Variants in ENKUR observed in about 807,000 individuals in gnomAD.
ENKUR encodes enkurin.
A neutral mutation model predicts 27.6 loss-of-function variants in ENKUR; 19 were observed. The observed-to-expected ratio is 0.69, with a 90% CI of 0.48 to 1.01. The LOEUF (loss-of-function observed/expected upper bound fraction) is 1.01. ENKUR is among the 50% of genes least tolerant of loss of function. ENKUR has a pLI of 0.00. For synonymous variants in ENKUR, 117 were observed against 96.9 expected, an observed-to-expected ratio of 1.21 and a Z score of -1.22; for missense variants, 312 against 310.5, an observed-to-expected ratio of 1.00 and a Z score of -0.04.
chr10:25,017,387 C>T (rs1412076424), upstream of ENKUR, among the ~76,000 whole-genome samples: 1 of 152,048 alleles, frequency 6.6e-6, no homozygotes, highest in Admixed American at 6.5e-5. Flanking sequence ...ATGGATGCCT[C>T]TGAACCACCG....
rs546013019 is a variant in ENKUR, at chr10:25,023,704, C to G, written c.38-27835G>C. On this transcript the variant is annotated intron_variant, in intron 2 of 5. Transcript: ENST00000615958. ...ATACCTGGATGTACCTCTACTAGAT[C>G]TAATTTGTCGTCTAAAATTAATGAA... 115 of 1,613,924 alleles carry G rather than the reference C, an allele frequency of 7.1e-5. 1 individual carries two copies. In the South Asian group the frequency reaches 1.1e-3, roughly 15 times the overall value.
At chr10:25,015,132 T>C (rs1405042972) in intron 1 of ENKUR, among the ~76,000 whole-genome samples, 2 of 152,182 alleles carry the variant, frequency 1.3e-5, no homozygotes, top group Non-Finnish European at 2.9e-5. Flanking sequence ...TCCCCACAGA[T>C]TTAAGTAAGT....
At chr10:25,062,204 T>C (rs1171287668) in exon 1 of ENKUR, 1 of 152,174 alleles carries the variant, frequency 6.6e-6, no homozygotes, top group Admixed American at 6.5e-5. Context: ...TCCTGCGTAT[T>C]GAGTCATTCT....
intron 2 of ENKUR, among the ~76,000 whole-genome samples, chr10:25,046,131 T>C (rs1162598488): frequency 4.6e-5 from 7 of 152,104 alleles, no homozygotes; most frequent in Non-Finnish European, 1.5e-5. Flanking sequence ...GCTTAGCAAA[T>C]GCTATGAGAG....
At position 24,990,604 on chromosome 10, in the gene ENKUR, A is replaced by G; in HGVS notation, c.453T>C (p.Tyr151=). 1 of 1,595,592 alleles carries G rather than the reference A, an allele frequency of 6.3e-7. No homozygotes were observed. The highest frequency in any genetic ancestry group is 8.5e-7 in the Non-Finnish European group (1 of 1,175,446). The change falls in exon 4 of 6, where the codon TAT becomes TAC. Residue 151 remains tyrosine (Y), a synonymous_variant. Coordinates refer to ENST00000331161, the MANE Select transcript of ENKUR (RefSeq NM_145010.4). ...LVPKYINKKD[Y]GVTPEYICKR... ...TACATATGTATTCAGGTGTGACACC[A>G]TAATCCTAAAAAGATTTTGCAGAAA...
chr10:24,984,471 A>G (rs1485499661), intron 5 of ENKUR, 95 bp from the exon 6 acceptor site: 12 of 1,371,712 alleles, frequency 8.7e-6, no homozygotes, highest in Non-Finnish European at 1.2e-5. Context: ...GTACATAATA[A>G]TAATGAATTA....
At chr10:25,050,321 A>T (rs897837185) in intron 2 of ENKUR, among the ~76,000 whole-genome samples, 3 of 152,200 alleles carry the variant, frequency 2.0e-5, no homozygotes, top group African/African-American at 7.2e-5. Flanking sequence ...GCTAATAAAG[A>T]CATACGTAAG....
At chr10:25,030,624 TG>T (rs1850923404) in intron 2 of ENKUR, among the ~76,000 whole-genome samples, 1 of 152,218 alleles carries the variant, frequency 6.6e-6, no homozygotes, top group Non-Finnish European at 1.5e-5. Flanking sequence ...TCTTTGTGCT[TG>T]TTTGTTTTGC....
intron 2 of ENKUR, among the ~76,000 whole-genome samples, chr10:25,027,572 G>A (rs1850881794): frequency 6.7e-6 from 1 of 150,252 alleles, no homozygotes; most frequent in Non-Finnish European, 1.5e-5. Flanking sequence ...TTTTCTGAAA[G>A]TGAGAGGAAC....
intron 2 of ENKUR, chr10:25,022,043 T>C (rs1449894785): frequency 6.6e-6 from 1 of 152,196 alleles, no homozygotes; most frequent in Non-Finnish European, 1.5e-5. Flanking sequence ...TAGTATTTAA[T>C]ATGGTTTAGT....
chr10:25,005,021 C>T (rs1222758286), intron 1 of ENKUR, among the ~76,000 whole-genome samples: 1 of 152,082 alleles, frequency 6.6e-6, no homozygotes, highest in Non-Finnish European at 1.5e-5. Flanking sequence ...ATATGAAGTC[C>T]TTCCCATTGC....
At chr10:24,993,419 G>A (rs1426932889) in intron 3 of ENKUR, among the ~76,000 whole-genome samples, 2 of 152,202 alleles carry the variant, frequency 1.3e-5, no homozygotes, top group Admixed American at 6.5e-5. Flanking sequence ...CAGTTACTAA[G>A]TGGCAGAGTT....
chr10:25,016,258 G>C (rs1035318225), upstream of ENKUR: 1 of 901,808 alleles, frequency 1.1e-6, no homozygotes, highest in Non-Finnish European at 1.4e-6. Context: ...CCTTCTGCTA[G>C]AGAAGCTCAT....
At chr10:25,041,973 A>T (rs1463346527) in intron 2 of ENKUR, among the ~76,000 whole-genome samples, 2 of 152,152 alleles carry the variant, frequency 1.3e-5, no homozygotes, top group African/African-American at 4.8e-5. Flanking sequence ...TTCTTTTGAT[A>T]AAAAGAAAAT....
chr10:25,058,995 T>C (rs1851295265), intron 2 of ENKUR, among the ~76,000 whole-genome samples: 1 of 151,488 alleles, frequency 6.6e-6, no homozygotes, highest in African/African-American at 2.4e-5. Context: ...TACAAACCCA[T>C]TCCTCCAAGA....
intron 2 of ENKUR, among the ~76,000 whole-genome samples, chr10:25,044,244 G>A (rs539036322): frequency 3.3e-5 from 5 of 152,162 alleles, no homozygotes; most frequent in East Asian, 1.9e-4. Flanking sequence ...TAAATTTCTT[G>A]CATATAACTT....
At chr10:25,059,143 T>C (rs1313857915) in intron 2 of ENKUR, among the ~76,000 whole-genome samples, 1 of 148,904 alleles carries the variant, frequency 6.7e-6, no homozygotes, top group Admixed American at 6.6e-5. Flanking sequence ...TTTTTTTTTT[T>C]TTTTTTTGAG....
intron 2 of ENKUR, among the ~76,000 whole-genome samples, chr10:25,028,305 A>G (rs1301684752): frequency 2.6e-5 from 4 of 152,198 alleles, no homozygotes; most frequent in Admixed American, 6.5e-5. Flanking sequence ...TTCTAGAGGA[A>G]CAAGTGACCA....
At chr10:25,001,072 G>T (rs1850179715) in intron 1 of ENKUR, among the ~76,000 whole-genome samples, 1 of 151,838 alleles carries the variant, frequency 6.6e-6, no homozygotes, top group African/African-American at 2.4e-5. Context: ...TTGTGATTAT[G>T]TTCCCTTTAT....
Sources: gnomAD v4.1 joint callset for allele counts (sites outside exome capture counted in the v4.1 genomes callset) on GRCh38, gnomAD v4.1.1 for gene constraint, MANE v1.5 for transcripts, NCBI Gene and HGNC (gene_info 2026-07-23, HGNC 2026-07-21) for gene names.